The following SKOR2 variants were observed in gnomAD, a reference collection of about 807,000 sequenced individuals.
The protein encoded by SKOR2 is SKI family transcriptional corepressor 2.
A neutral mutation model predicts 69.1 loss-of-function variants in SKOR2; 47 were observed. That is an observed-to-expected ratio of 0.68 (90% CI 0.54 to 0.87). The LOEUF is 0.87. Among genes scored for constraint, SKOR2 ranks in the 40% least tolerant of loss-of-function variants. The pLI is 0.00. For missense variants in SKOR2, 1,404 were observed against 1,472.2 expected (o/e 0.95, Z 0.76); for synonymous variants, 717 against 672.6 (o/e 1.07, Z -1.02).
At chr18:47,246,443 C>G in intron 2 of SKOR2, 128 bp downstream of exon 2, 1 of 1,261,762 alleles carries the variant, frequency 7.9e-7, no homozygotes, top group East Asian at 3.1e-5. Flanking sequence ...CTCCTAAACA[C>G]ACTGAATATT....
chr18:47,232,111 C>T (rs2064202046), intron 4 of SKOR2, among the ~76,000 whole-genome samples: 1 of 151,930 alleles, frequency 6.6e-6, no homozygotes, highest in South Asian at 2.1e-4. Flanking sequence ...TGCACTCCAG[C>T]CTGGGTGACC....
chr18:47,211,562 C>T (rs1002076482), intron 8 of SKOR2, among the ~76,000 whole-genome samples: 3 of 152,130 alleles, frequency 2.0e-5, no homozygotes, highest in Admixed American at 6.5e-5. Context: ...GACCTTGAAT[C>T]TGGCTTCAGC....
chr18:47,246,334 T>C (rs888794955), intron 2 of SKOR2, among the ~76,000 whole-genome samples: 5 of 152,034 alleles, frequency 3.3e-5, no homozygotes, highest in Non-Finnish European at 7.4e-5. Context: ...CCAGCTGAAA[T>C]ATAAGAGGGA....
Position 47,248,123 on chromosome 18 carries a change from C to T in SKOR2, c.1061G>A (p.Gly354Asp). The change falls in exon 2 of 9, where the codon GGT (glycine) becomes GAT (aspartate). Residue 354 changes from glycine to aspartate, a missense_variant. Physicochemically the swap from Gly to Asp is moderately conservative, Grantham distance 94. This residue lies in a region of SKOR2 where 1,266 missense variants were observed against 1,309.9 expected (regional missense o/e 0.97). Coordinates refer to ENST00000425639, the MANE Select transcript of SKOR2 (RefSeq NM_001278063.4). The surrounding 1 kb of genome is among the most constrained non-coding windows in gnomAD (Gnocchi z 6.4). ...GAGTGGGGAG[G>D]GCVAGVGVGA... ...CACGCCCACGCCGGCCACACAGCCA[C>T]CCCCAGCGCCGCCCCCACCAGTCCC... 2.3e-6 allele frequency: 3 copies of T among 1,308,628 alleles called. No homozygotes were observed. The highest frequency in any genetic ancestry group is 6.4e-5 in the East Asian group (2 of 31,374). The allele number at this position is 1,308,628 out of a possible 1,614,324, so 81.1% of individuals were successfully genotyped here.
intron 4 of SKOR2, among the ~76,000 whole-genome samples, chr18:47,233,764 G>C (rs1378870495): frequency 1.3e-5 from 2 of 152,186 alleles, no homozygotes; most frequent in Admixed American, 6.5e-5. Context: ...GTTTCAGTTA[G>C]ATAGTTGAAT....
chr18:47,224,716 G>A (rs950474139), intron 6 of SKOR2, among the ~76,000 whole-genome samples: 3 of 151,866 alleles, frequency 2.0e-5, no homozygotes, highest in African/African-American at 7.3e-5. Flanking sequence ...CTGGGTTCAA[G>A]TGATCCTCCC....
At chr18:47,211,633 C>G (rs569285499) in intron 8 of SKOR2, among the ~76,000 whole-genome samples, 1 of 152,256 alleles carries the variant, frequency 6.6e-6, no homozygotes, top group Non-Finnish European at 1.5e-5. Context: ...AGCAGAAGGT[C>G]TCAAAGGTCT....
rs1249477599 is a variant in SKOR2, at chr18:47,251,016, T to G, written c.-48+358A>C. 2.2e-4 allele frequency among the ~76,000 whole-genome samples: 33 copies of G among 151,972 alleles called. 1 individual carries two copies. The South Asian group carries it at 6.9e-3, about 32-fold the overall frequency. ...GGCTCTGCGTTAAGGACTCGCAGCC[T>G]TAGCAGCAGTAGACCAGGCAGAAGT... On this transcript the variant is annotated intron_variant, in intron 1 of 8. Transcript: ENST00000425639.
chr18:47,245,048 A>C, intron 3 of SKOR2, 66 bp from the exon 4 acceptor site: 1 of 1,131,638 alleles, frequency 8.8e-7, no homozygotes, highest in Non-Finnish European at 1.2e-6. Flanking sequence ...CAAAGATCCA[A>C]TTTTTTTTTT....
chr18:47,239,803 T>G (rs541198562), intron 4 of SKOR2, among the ~76,000 whole-genome samples: 2 of 152,212 alleles, frequency 1.3e-5, no homozygotes, highest in Non-Finnish European at 2.9e-5. Flanking sequence ...CAAAATACAT[T>G]GTACATAACT....
chr18:47,225,570 G>A (rs1398677814), intron 6 of SKOR2, among the ~76,000 whole-genome samples: 1 of 152,168 alleles, frequency 6.6e-6, no homozygotes, highest in Non-Finnish European at 1.5e-5. Flanking sequence ...AATGTGGGTT[G>A]GGGGAGTGGA....
At chr18:47,229,563 A>C (rs1404933296) in intron 6 of SKOR2, among the ~76,000 whole-genome samples, 3 of 152,164 alleles carry the variant, frequency 2.0e-5, no homozygotes, top group Middle Eastern at 3.2e-3. Flanking sequence ...CTGAGACAGG[A>C]GAATTGCTTG....
intron 6 of SKOR2, among the ~76,000 whole-genome samples, chr18:47,224,152 C>T (rs2064170796): frequency 1.3e-5 from 2 of 152,090 alleles, no homozygotes; most frequent in East Asian, 1.9e-4. Context: ...AAGTGATCCA[C>T]CTGCCTTGGC....
intron 4 of SKOR2, among the ~76,000 whole-genome samples, chr18:47,239,529 C>T (rs910357595): frequency 5.3e-5 from 8 of 152,150 alleles, no homozygotes; most frequent in Non-Finnish European, 7.4e-5. Flanking sequence ...GGTGCATACA[C>T]GTTGCATCTT....
chr18:47,209,874 T>G lies in SKOR2; in HGVS notation c.*3+2212A>C, dbSNP rs532050007. 1.1e-3 allele frequency among the ~76,000 whole-genome samples: 174 copies of G among 152,226 alleles called. 1 individual carries two copies. The highest frequency in any genetic ancestry group is 4.0e-3 in the African/African-American group (165 of 41,538). ...TGGGAGACCAAAGCAGGAGGACTGC[T>G]TGAACCCAGGAGCTTGAGACCAGCC... On this transcript the variant is annotated intron_variant, in intron 8 of 8. Coordinates refer to ENST00000425639, the MANE Select transcript of SKOR2 (RefSeq NM_001278063.4).
chr18:47,207,041 C>T (rs2064115258), intron 8 of SKOR2, 149 bp from the exon 9 acceptor site: 1 of 152,112 alleles, frequency 6.6e-6, no homozygotes, highest in Non-Finnish European at 1.5e-5. Context: ...GATATCAAGC[C>T]AAACCAGAAA....
chr18:47,240,074 T>G (rs969007168), intron 4 of SKOR2, among the ~76,000 whole-genome samples: 3 of 152,220 alleles, frequency 2.0e-5, no homozygotes, highest in African/African-American at 7.2e-5. Flanking sequence ...AATTGCTTCT[T>G]ACTATTCTCA....
intron 2 of SKOR2, among the ~76,000 whole-genome samples, 193 bp downstream of exon 2, chr18:47,246,378 A>C (rs1044020457): frequency 3.9e-5 from 6 of 152,246 alleles, no homozygotes; most frequent in African/African-American, 1.4e-4. Context: ...AGGCGTTATC[A>C]AGAAAGGGAC....
In SKOR2 at chr18:47,248,195, G is replaced by T; in HGVS notation, c.989C>A (p.Ser330Ter). 2 of 1,231,942 alleles carry T rather than the reference G, an allele frequency of 1.6e-6. No homozygotes were observed. Among genetic ancestry groups the T allele is most frequent in the Non-Finnish European group, 2.0e-6 (2 of 990,214 alleles). The allele number at this position is 1,231,942 out of a possible 1,614,324, so 76.3% of individuals were successfully genotyped here. A position where few individuals can be genotyped will look rare whatever the true frequency, so the allele number is the denominator to read the frequency against. ...CACAGAGAGGCTGGCGGCTGCGGCC[G>T]AGAGGCTGGCGGCGGCCACTACGGC... is the stretch of plus-strand genomic sequence containing the variant. ...EAAVVAAASLSAAAASLSVAA... is the reference protein window; with the variant it reads ...EAAVVAAASL Residue 330 changes from serine (S) to a stop codon, truncating the protein, a stop_gained, in exon 2 of 9, where the codon TCG becomes TAG. Transcript: ENST00000425639. LOFTEE classifies it high-confidence loss of function. The surrounding 1 kb of genome is among the most constrained non-coding windows in gnomAD (Gnocchi z 6.4).
Sources: gnomAD v4.1 joint callset for allele counts (sites outside exome capture counted in the v4.1 genomes callset) on GRCh38, gnomAD v4.1.1 for gene constraint, gnomAD v4.1.1 regional missense constraint, Gnocchi (gnomAD v3.1) non-coding constraint, MANE v1.5 for transcripts, NCBI Gene and HGNC (gene_info 2026-07-23, HGNC 2026-07-21) for gene names.